The following GRIK3 variants were observed in gnomAD, a reference collection of about 807,000 sequenced individuals.
The protein encoded by GRIK3 is glutamate ionotropic receptor kainate type subunit 3.
GRIK3 carries 29 observed loss-of-function variants against 102.5 expected under a neutral mutation model. That is an observed-to-expected ratio of 0.28 (90% CI 0.21 to 0.39). GRIK3 has a LOEUF of 0.39. Ranked by LOEUF, GRIK3 falls within the 10% of genes least tolerant of loss-of-function variation. The pLI is 1.00. For missense variants in GRIK3, 908 were observed against 1,252.4 expected, an observed-to-expected ratio of 0.73 and a Z score of 4.15; for synonymous variants, 511 against 504.9, an observed-to-expected ratio of 1.01 and a Z score of -0.16.
chr1:36,928,738 T>A (rs1449535988), intron 1 of GRIK3, among the ~76,000 whole-genome samples: 2 of 152,188 alleles, frequency 1.3e-5, no homozygotes, highest in East Asian at 1.9e-4. Context: ...CCAAACTTCT[T>A]CAGCCTCATT....
intron 8 of GRIK3, among the ~76,000 whole-genome samples, chr1:36,851,222 C>A (rs904266086): frequency 6.6e-6 from 1 of 152,220 alleles, no homozygotes; most frequent in African/African-American, 2.4e-5. Flanking sequence ...AAGAGAGCTG[C>A]GCAGAGCAGA....
intron 1 of GRIK3, among the ~76,000 whole-genome samples, chr1:37,013,605 C>T (rs890709156): frequency 4.6e-5 from 7 of 152,226 alleles, no homozygotes; most frequent in South Asian, 2.1e-4. Context: ...AAGGCCCCTC[C>T]GCTGCCGAGA....
In GRIK3 at chr1:36,853,699, T is replaced by C; in HGVS notation, c.1128A>G (p.Gly376=). The C allele has an allele frequency of 6.2e-7, 1 of 1,612,812 alleles. No homozygotes were observed. The highest frequency in any genetic ancestry group is 1.7e-4 in the Middle Eastern group (1 of 6,060). Residue 376 remains glycine (G), a synonymous_variant, in exon 8 of 16, where the codon GGA becomes GGG. Coordinates refer to ENST00000373091, the MANE Select transcript of GRIK3 (RefSeq NM_000831.4). ...IKEAQWEGLT[G]RIVFNKTSGL... Reference sequence around the variant, plus strand: ...CACTAGTTTTGTTGAAAACAATTCGTCCAGTTAATCCTTCCCATTGAGCCT... The same window carrying C: ...CACTAGTTTTGTTGAAAACAATTCGCCCAGTTAATCCTTCCCATTGAGCCT...
intron 3 of GRIK3, among the ~76,000 whole-genome samples, chr1:36,874,432 A>G (rs2124256301): frequency 6.6e-6 from 1 of 152,210 alleles, no homozygotes; most frequent in South Asian, 2.1e-4. Context: ...GAGTTGGGAG[A>G]CGGCTATGTA....
chr1:36,898,750 T>C (rs1404115147), intron 1 of GRIK3, among the ~76,000 whole-genome samples: 3 of 152,048 alleles, frequency 2.0e-5, no homozygotes, highest in African/African-American at 7.2e-5. Flanking sequence ...CCAAAAACAG[T>C]CTTGAAAAAG....
At chr1:36,988,240 G>A (rs1202512612) in intron 1 of GRIK3, among the ~76,000 whole-genome samples, 3 of 152,140 alleles carry the variant, frequency 2.0e-5, no homozygotes, top group Admixed American at 6.5e-5. Flanking sequence ...GCAGTGAGCC[G>A]AGGTCGCACC....
intron 1 of GRIK3, among the ~76,000 whole-genome samples, chr1:36,960,000 A>C (rs1641985957): frequency 2.6e-5 from 2 of 76,466 alleles, no homozygotes; most frequent in South Asian, 5.0e-4. Context: ...GTGCCCCGTG[A>C]GTCTGTGTGC....
At chr1:37,033,187 G>T (rs1642846944) in intron 1 of GRIK3, among the ~76,000 whole-genome samples, 3 of 152,264 alleles carry the variant, frequency 2.0e-5, no homozygotes, top group African/African-American at 7.2e-5. Context: ...AGTCTCCGGC[G>T]AGAAGAGACG....
chr1:36,927,550 C>T (rs547653970), intron 1 of GRIK3, among the ~76,000 whole-genome samples: 4 of 152,242 alleles, frequency 2.6e-5, no homozygotes, highest in East Asian at 3.9e-4. Context: ...TTGTGACCTC[C>T]GTTCATTCAG....
intron 1 of GRIK3, among the ~76,000 whole-genome samples, chr1:36,903,553 A>T (rs766879315): frequency 6.6e-6 from 1 of 152,256 alleles, no homozygotes; most frequent in East Asian, 1.9e-4. Context: ...TTGCCCAAAC[A>T]TGGGAGAAAT....
At chr1:36,903,466 C>T (rs1206862124) in intron 1 of GRIK3, among the ~76,000 whole-genome samples, 2 of 152,184 alleles carry the variant, frequency 1.3e-5, no homozygotes, top group East Asian at 1.9e-4. Flanking sequence ...GGCACTCCTT[C>T]GTATTTACAC....
At chr1:36,902,204 G>A (rs187136129) in intron 1 of GRIK3, among the ~76,000 whole-genome samples, 5 of 152,312 alleles carry the variant, frequency 3.3e-5, no homozygotes, top group Admixed American at 6.5e-5. Flanking sequence ...ATCTCAGCAA[G>A]TTATTTTGTG....
intron 1 of GRIK3, among the ~76,000 whole-genome samples, chr1:36,904,611 A>G (rs945182703): frequency 1.3e-5 from 2 of 152,250 alleles, no homozygotes; most frequent in African/African-American, 4.8e-5. Flanking sequence ...GAAACAGCTT[A>G]ATGTCCAAAA....
At chr1:36,909,247 G>C (rs1266100944) in intron 1 of GRIK3, among the ~76,000 whole-genome samples, 1 of 151,744 alleles carries the variant, frequency 6.6e-6, no homozygotes, top group Admixed American at 6.6e-5. Flanking sequence ...ATCGGCCATA[G>C]TGAGAGTATT....
At chr1:37,022,756 C>T (rs933156689) in intron 1 of GRIK3, among the ~76,000 whole-genome samples, 4 of 152,242 alleles carry the variant, frequency 2.6e-5, no homozygotes, top group Admixed American at 6.5e-5. Context: ...ACCATATTCA[C>T]CATTGCATTC....
chr1:36,814,549 G>A (rs796906515), intron 13 of GRIK3, among the ~76,000 whole-genome samples: 4 of 141,278 alleles, frequency 2.8e-5, no homozygotes, highest in African/African-American at 1.1e-4. Flanking sequence ...TGCATGCATG[G>A]GCCATTATAC....
intron 5 of GRIK3, among the ~76,000 whole-genome samples, chr1:36,863,786 T>A (rs1164805681): frequency 3.3e-5 from 5 of 152,152 alleles, no homozygotes; most frequent in Non-Finnish European, 5.9e-5. Flanking sequence ...AACAACTGCT[T>A]GTGTCTGGGT....
chr1:36,880,570 C>G lies in GRIK3; in HGVS notation c.550+64G>C. 1 of 1,511,470 alleles carries G rather than the reference C, an allele frequency of 6.6e-7. No homozygotes were observed. The highest frequency in any genetic ancestry group is 1.4e-5 in the African/African-American group (1 of 73,120). The allele number at this position is 1,511,470 out of a possible 1,614,324, so 93.6% of individuals were successfully genotyped here. A position where few individuals can be genotyped will look rare whatever the true frequency, so the allele number is the denominator to read the frequency against. On this transcript the variant is annotated intron_variant, in intron 3 of 15. Coordinates refer to ENST00000373091, the MANE Select transcript of GRIK3 (RefSeq NM_000831.4). The surrounding 1 kb of genome is among the most constrained non-coding windows in gnomAD (Gnocchi z 5.4). The stretch of plus-strand genomic sequence containing the variant: ...GCTGTGCTGAACAAACAGACAAGAG[C>G]TTGATCCTGGGCCTCTGCCCCCCTC...
intron 9 of GRIK3, among the ~76,000 whole-genome samples, chr1:36,849,152 GT>G (rs952866890): frequency 4.9e-4 from 75 of 152,256 alleles, no homozygotes; most frequent in Non-Finnish European, 6.8e-4. Flanking sequence ...TGGAAGAATG[GT>G]TTTTTCCCCA....
Sources: allele counts gnomAD v4.1 joint callset (sites outside exome capture counted in the v4.1 genomes callset), GRCh38; gene constraint gnomAD v4.1.1; non-coding constraint Gnocchi (gnomAD v3.1); transcripts MANE v1.5; gene names NCBI Gene and HGNC (gene_info 2026-07-23, HGNC 2026-07-21).